Variants in NRXN3 observed in about 807,000 individuals in gnomAD.
The protein encoded by NRXN3 is neurexin 3, also known as neurexin III.
A neutral mutation model predicts 137.6 loss-of-function variants in NRXN3; 32 were observed. The observed-to-expected ratio is 0.23, with a 90% CI of 0.18 to 0.31. NRXN3 has a LOEUF of 0.31. Ranked by LOEUF, NRXN3 falls within the 10% of genes least tolerant of loss-of-function variation. The probability of loss-of-function intolerance (pLI) is 1.00; values close to 1 mark genes in which losing one functional copy is unlikely to be tolerated. For missense variants in NRXN3, 1,574 were observed against 2,062.5 expected (o/e 0.76, Z 4.59); for synonymous variants, 798 against 784.5 (o/e 1.02, Z -0.29).
intron 15 of NRXN3, among the ~76,000 whole-genome samples, chr14:79,185,716 T>C (rs189581754): frequency 0.011 from 1,647 of 152,202 alleles, 25 homozygotes; most frequent in African/African-American, 0.037. Context: ...CCGCCCACCT[T>C]GGCCTCCCAA....
rs796435942 is a variant in NRXN3, at chr14:78,192,107, T to TGTGTGA, written c.-704+21434_-704+21435insTGTGAG. Among the ~76,000 whole-genome samples the TGTGTGA allele has an allele frequency of 5.5e-3, 776 of 140,450 alleles. 3 individuals carry two copies. Among genetic ancestry groups the TGTGTGA allele is most frequent in the Middle Eastern group, 0.03 (8 of 270 alleles). The allele number at this position is 140,450 out of a possible 152,430, so 92.1% of individuals were successfully genotyped here. On this transcript the variant is annotated intron_variant, in intron 1 of 20. Coordinates refer to ENST00000335750, the MANE Select transcript of NRXN3 (RefSeq NM_001330195.2). ...GTGTGTGTGTGTGTGTGTGTGTGTG[T>TGTGTGA]GAGAGAGAGAGCATACATGTGTGCA... is the stretch of plus-strand genomic sequence containing the variant.
intron 15 of NRXN3, among the ~76,000 whole-genome samples, chr14:79,316,579 T>C (rs541688790): frequency 9.8e-5 from 15 of 152,314 alleles, no homozygotes; most frequent in African/African-American, 3.6e-4. Context: ...ATGCAAGTAT[T>C]TTAACATTTT....
intron 4 of NRXN3, among the ~76,000 whole-genome samples, chr14:78,567,959 T>C (rs775558826): frequency 1.3e-5 from 2 of 152,164 alleles, no homozygotes; most frequent in Non-Finnish European, 2.9e-5. Context: ...AGGGTTTTCA[T>C]GATCTTATTC....
intron 16 of NRXN3, among the ~76,000 whole-genome samples, chr14:79,497,067 T>C (rs893312483): frequency 2.0e-5 from 3 of 152,218 alleles, no homozygotes; most frequent in African/African-American, 4.8e-5. Flanking sequence ...ATATGTGTGA[T>C]AAGTGGCAGA....
intron 6 of NRXN3, among the ~76,000 whole-genome samples, chr14:78,682,028 C>T (rs999096158): frequency 5.3e-5 from 8 of 151,936 alleles, no homozygotes; most frequent in South Asian, 2.1e-4. Context: ...CCACCATGCC[C>T]GGCTAATTTT....
chr14:79,662,786 A>G (rs1247067815), intron 16 of NRXN3, among the ~76,000 whole-genome samples: 1 of 152,034 alleles, frequency 6.6e-6, no homozygotes, highest in East Asian at 1.9e-4. Flanking sequence ...CACACTTTAA[A>G]CAACCAGATC....
chr14:78,243,860 C>G lies in NRXN3; in HGVS notation c.709+58C>G, dbSNP rs979123149. 2 of 1,323,860 alleles carry G rather than the reference C, an allele frequency of 1.5e-6. No homozygotes were observed. Among genetic ancestry groups the G allele is most frequent in the East Asian group, 2.3e-5 (1 of 43,392 alleles). 82.0% of individuals were successfully genotyped at this position (1,323,860 alleles called of 1,614,324 possible). A position where few individuals can be genotyped will look rare whatever the true frequency, so the allele number is the denominator to read the frequency against. ...ACCCACGGGATGGCTGAGGCTGGGG[C>G]TCCTGATACAAACCAGTTCTATATG... On this transcript the variant is annotated intron_variant, in intron 2 of 20. Coordinates refer to ENST00000335750, the MANE Select transcript of NRXN3 (RefSeq NM_001330195.2). This position sits in a 1 kb window ranked among gnomAD's most constrained non-coding sequence, Gnocchi z 4.2.
At chr14:78,892,873 C>T (rs2099163259) in intron 10 of NRXN3, among the ~76,000 whole-genome samples, 1 of 151,140 alleles carries the variant, frequency 6.6e-6, no homozygotes, top group Non-Finnish European at 1.5e-5. Context: ...TAGGAAGCTG[C>T]ATAAAAACAA....
rs2153002585 is a variant in NRXN3 at position 78,773,142 on chromosome 14, T to C, written c.2045-30478T>C. On this transcript the variant is annotated intron_variant, in intron 8 of 20. Transcript: ENST00000335750. ...GATGAAGTTGCCCAATGTTACACTG[T>C]AATGGGCAAAACTGCTTTGCAAACT... is the stretch of plus-strand genomic sequence containing the variant. 1.3e-5 allele frequency among the ~76,000 whole-genome samples: 2 copies of C among 152,290 alleles called. 1 individual carries two copies. Among genetic ancestry groups the C allele is most frequent in the South Asian group, 4.2e-4 (2 of 4,810 alleles).
At chr14:78,497,683 A>G (rs1285332676) in intron 4 of NRXN3, among the ~76,000 whole-genome samples, 3 of 151,988 alleles carry the variant, frequency 2.0e-5, no homozygotes, top group Admixed American at 1.3e-4. Flanking sequence ...TAAAGGGACT[A>G]TTTTGTGTCA....
At chr14:78,382,653 C>T (rs963201342) in intron 4 of NRXN3, among the ~76,000 whole-genome samples, 1 of 152,178 alleles carries the variant, frequency 6.6e-6, no homozygotes, top group Non-Finnish European at 1.5e-5. Context: ...TGTTGCTTGC[C>T]TTGCAGATCC....
At chr14:79,695,502 A>C (rs1353312773) in intron 18 of NRXN3, among the ~76,000 whole-genome samples, 1 of 151,880 alleles carries the variant, frequency 6.6e-6, no homozygotes, top group African/African-American at 2.4e-5. Flanking sequence ...TTTCCTAGAA[A>C]TCTCCTGCTA....
chr14:79,263,247 T>A (rs2153411704), intron 15 of NRXN3, among the ~76,000 whole-genome samples: 1 of 152,346 alleles, frequency 6.6e-6, no homozygotes, highest in South Asian at 2.1e-4. Flanking sequence ...CACATCTATA[T>A]AACAGACTAG....
intron 15 of NRXN3, among the ~76,000 whole-genome samples, chr14:79,148,656 C>T (rs755892148): frequency 2.0e-5 from 3 of 152,144 alleles, no homozygotes; most frequent in Non-Finnish European, 2.9e-5. Context: ...TCTCATCTCC[C>T]TTGGATCCTG....
intron 6 of NRXN3, among the ~76,000 whole-genome samples, chr14:78,701,580 G>A (rs1417915966): frequency 6.6e-6 from 1 of 152,126 alleles, no homozygotes; most frequent in Admixed American, 6.6e-5. Context: ...CTTGCCATAT[G>A]TCCCTTTTAT....
At chr14:79,156,706 A>G (rs1337875565) in intron 15 of NRXN3, among the ~76,000 whole-genome samples, 1 of 151,862 alleles carries the variant, frequency 6.6e-6, no homozygotes, top group Non-Finnish European at 1.5e-5. Context: ...GAAAAATGAA[A>G]AATTCCAGAA....
At chr14:79,158,881 G>A (rs11159397) in intron 15 of NRXN3, among the ~76,000 whole-genome samples, 39,794 of 151,548 alleles carry the variant, frequency 0.26, 5,595 homozygotes, top group Middle Eastern at 0.32. Flanking sequence ...AGGAAACAAA[G>A]TTAGGAGGAG....
chr14:78,845,533 G>T (rs1410536132), intron 10 of NRXN3, among the ~76,000 whole-genome samples: 1 of 151,768 alleles, frequency 6.6e-6, no homozygotes, highest in African/African-American at 2.4e-5. Context: ...CCTCCCCACT[G>T]ACTTCTGCTC....
chr14:79,646,559 A>C lies in NRXN3; in HGVS notation c.3445-17219A>C, dbSNP rs923547132. On this transcript the variant is annotated intron_variant, in intron 16 of 20. Coordinates refer to ENST00000335750, the MANE Select transcript of NRXN3 (RefSeq NM_001330195.2). ...TTCAGAGGCAGCTACTGTGCTCCACATAACCATAAAGTGAACATTTTGACA... is the reference window on the plus strand; with the variant it reads ...TTCAGAGGCAGCTACTGTGCTCCACCTAACCATAAAGTGAACATTTTGACA... Among the ~76,000 whole-genome samples, 5 of 135,542 alleles carry C rather than the reference A, an allele frequency of 3.7e-5. 2 individuals are homozygous for C. Among genetic ancestry groups the C allele is most frequent in the Non-Finnish European group, 8.6e-5 (5 of 58,276 alleles). 88.9% of individuals were successfully genotyped at this position (135,542 alleles called of 152,430 possible). A position where few individuals can be genotyped will look rare whatever the true frequency, so the allele number is the denominator to read the frequency against.
Sources: gnomAD v4.1 joint callset for allele counts (sites outside exome capture counted in the v4.1 genomes callset) on GRCh38, gnomAD v4.1.1 for gene constraint, Gnocchi (gnomAD v3.1) non-coding constraint, MANE v1.5 for transcripts, NCBI Gene and HGNC (gene_info 2026-07-23, HGNC 2026-07-21) for gene names.